FHL2: variants seen among roughly 807,000 people sequenced by gnomAD.
FHL2 encodes the protein four and a half LIM domains protein 2.
A neutral mutation model predicts 32.7 loss-of-function variants in FHL2; 20 were observed. The observed-to-expected ratio is 0.61, with a 90% confidence interval of 0.43 to 0.89. The LOEUF (loss-of-function observed/expected upper bound fraction) is 0.89, where lower values mean the gene tolerates loss of function less well. Among genes scored for constraint, FHL2 ranks in the 40% least tolerant of loss-of-function variants. The pLI is 0.00. For missense variants in FHL2, 311 were observed against 358.6 expected (o/e 0.87, Z 1.07); for synonymous variants, 123 against 128.1 (o/e 0.96, Z 0.27).
chr2:105,427,827 C>G (rs1002086567), intron 1 of FHL2, among the ~76,000 whole-genome samples: 1 of 152,102 alleles, frequency 6.6e-6, no homozygotes, highest in Non-Finnish European at 1.5e-5. Context: ...GACAGGGCCC[C>G]GAGAACCAGC....
rs148969002 is a variant in FHL2 at position 105,381,356 on chromosome 2, C to T, written c.156+5005G>A. ...CACAGGTGCTCCCTAGACGTTAACT[C>T]ACTCAATTACCCCGACAGTCCCGTG... On this transcript the variant is annotated intron_variant, in intron 3 of 6. Coordinates refer to ENST00000530340, the MANE Select transcript of FHL2 (RefSeq NM_001318895.3). Among the ~76,000 whole-genome samples the T allele has an allele frequency of 4.1e-3, 617 of 152,282 alleles. 3 individuals carry two copies. Among genetic ancestry groups the T allele is most frequent in the Middle Eastern group, 0.014 (4 of 294 alleles).
intron 1 of FHL2, among the ~76,000 whole-genome samples, chr2:105,412,960 A>G (rs1322999891): frequency 6.6e-6 from 1 of 152,206 alleles, no homozygotes; most frequent in Non-Finnish European, 1.5e-5. Context: ...GATGGGAAAA[A>G]AAGGAAGAAA....
intron 4 of FHL2, 34 bp downstream of exon 4, chr2:105,373,525 C>A: frequency 6.2e-7 from 1 of 1,613,188 alleles, no homozygotes. Flanking sequence ...TGAAGCTAGA[C>A]TGGCTCACGC....
At chr2:105,434,435 G>A (rs1419985430) in intron 1 of FHL2, among the ~76,000 whole-genome samples, 1 of 152,174 alleles carries the variant, frequency 6.6e-6, no homozygotes, top group Admixed American at 6.5e-5. Context: ...AGCAGTGGTG[G>A]CCTATGCCTG....
chr2:105,437,240 A>C (rs933814381), intron 1 of FHL2, among the ~76,000 whole-genome samples: 6 of 152,184 alleles, frequency 3.9e-5, no homozygotes, highest in Admixed American at 3.9e-4. Flanking sequence ...TTAGTCACCT[A>C]CTCAGTTAAA....
At chr2:105,399,396 T>A, upstream of FHL2, 1 of 1,535,986 alleles carries the variant, frequency 6.5e-7, no homozygotes, top group Non-Finnish European at 8.7e-7. Flanking sequence ...AGCGGGAGAC[T>A]GGAGAAGCCC....
chr2:105,372,234 T>C lies in FHL2; in HGVS notation c.331+1325A>G, dbSNP rs997050462. On this transcript the variant is annotated intron_variant, in intron 4 of 6. Transcript: ENST00000530340. ...TTATTCCTTATCCTACATAACTTTCTTTTTTTTTTGAGACGGAGTCTCACT... is the reference window on the plus strand; with the variant it reads ...TTATTCCTTATCCTACATAACTTTCCTTTTTTTTTGAGACGGAGTCTCACT... Among the ~76,000 whole-genome samples, 4 of 13,576 alleles carry C rather than the reference T, an allele frequency of 2.9e-4. No homozygotes were observed. The Admixed American group carries it at 5.2e-3, about 18-fold the overall frequency. The allele number at this position is 13,576 out of a possible 152,430, so 8.9% of individuals were successfully genotyped here. A position where few individuals can be genotyped will look rare whatever the true frequency, so the allele number is the denominator to read the frequency against.
At chr2:105,399,741 G>T, upstream of FHL2, 1 of 937,662 alleles carries the variant, frequency 1.1e-6, no homozygotes, top group Non-Finnish European at 1.5e-6. Context: ...GGGACAGATG[G>T]CACTGTTCAG....
At chr2:105,370,061 A>T (rs1341231141) in intron 4 of FHL2, among the ~76,000 whole-genome samples, 1 of 152,170 alleles carries the variant, frequency 6.6e-6, no homozygotes, top group East Asian at 1.9e-4. Flanking sequence ...TGAAGAAGGG[A>T]TGTCTTAATC....
chr2:105,422,172 G>C (rs1362489019), intron 1 of FHL2, among the ~76,000 whole-genome samples: 1 of 152,156 alleles, frequency 6.6e-6, no homozygotes, highest in Non-Finnish European at 1.5e-5. Context: ...CAGCTGTTTG[G>C]CTTGAAGATG....
chr2:105,370,051 TGAA>T (rs1292184450), intron 4 of FHL2, among the ~76,000 whole-genome samples: 1 of 152,186 alleles, frequency 6.6e-6, no homozygotes, highest in Admixed American at 6.5e-5. Flanking sequence ...AGCGCAGTCT[TGAA>T]GAAGGGATGT....
upstream of FHL2, among the ~76,000 whole-genome samples, chr2:105,402,715 G>A (rs116563366): frequency 0.011 from 1,700 of 152,224 alleles, 39 homozygotes; most frequent in African/African-American, 0.039. Context: ...CAATTCCATC[G>A]AAGGACAAAG....
At chr2:105,396,168 G>A (rs1683116547) in intron 2 of FHL2, among the ~76,000 whole-genome samples, 1 of 152,168 alleles carries the variant, frequency 6.6e-6, no homozygotes, top group Non-Finnish European at 1.5e-5. Context: ...TACATAGAGA[G>A]ATTTATCGCA....
chr2:105,414,755 G>T (rs1224491694), intron 1 of FHL2, among the ~76,000 whole-genome samples: 1 of 152,192 alleles, frequency 6.6e-6, no homozygotes, highest in Admixed American at 6.5e-5. Context: ...GTTTTGCCAT[G>T]TTGGCCAGGC....
At chr2:105,417,518 T>C (rs1478207052) in intron 1 of FHL2, among the ~76,000 whole-genome samples, 1 of 151,796 alleles carries the variant, frequency 6.6e-6, no homozygotes, top group Non-Finnish European at 1.5e-5. Context: ...ACTCAGTCTC[T>C]ACTAAAATAC....
chr2:105,396,812 A>G, intron 1 of FHL2, 115 bp from the exon 2 acceptor site: 3 of 868,182 alleles, frequency 3.5e-6, no homozygotes, highest in Non-Finnish European at 5.5e-6. Context: ...TTCTCATAAT[A>G]AAACCGCACA....
chr2:105,433,773 C>T (rs1313341487), intron 1 of FHL2, among the ~76,000 whole-genome samples: 1 of 152,202 alleles, frequency 6.6e-6, no homozygotes, highest in Non-Finnish European at 1.5e-5. Context: ...TAATTCAGAG[C>T]TTTATTTTAT....
chr2:105,430,886 C>G (rs766091333), intron 1 of FHL2, among the ~76,000 whole-genome samples: 1 of 152,176 alleles, frequency 6.6e-6, no homozygotes, highest in Non-Finnish European at 1.5e-5. Context: ...AAGTCTGTTG[C>G]CATTAGGCCA....
At chr2:105,421,323 C>G (rs578103567) in intron 1 of FHL2, among the ~76,000 whole-genome samples, 3 of 152,220 alleles carry the variant, frequency 2.0e-5, no homozygotes, top group African/African-American at 7.2e-5. Context: ...GGTTACAGGC[C>G]AAAGTTCAAA....
Sources: gnomAD v4.1 joint callset for allele counts (sites outside exome capture counted in the v4.1 genomes callset) on GRCh38, gnomAD v4.1.1 for gene constraint, MANE v1.5 for transcripts, NCBI Gene and HGNC (gene_info 2026-07-23, HGNC 2026-07-21) for gene names.